Variants in DGKH observed in about 807,000 individuals in gnomAD.
DGKH encodes diacylglycerol kinase eta.
A neutral mutation model predicts 159.3 loss-of-function variants in DGKH; 90 were observed. The ratio of observed to expected loss-of-function variants is 0.57; its 90% CI spans 0.48 to 0.67. The LOEUF is 0.67. Ranked by LOEUF, DGKH falls within the 30% of genes least tolerant of loss-of-function variation. The pLI, the probability that DGKH is intolerant of heterozygous loss-of-function variation, is 0.00. For synonymous variants in DGKH, 536 were observed against 553.8 expected, an observed-to-expected ratio of 0.97 and a Z score of 0.45; for missense variants, 1,181 against 1,506.1, an observed-to-expected ratio of 0.78 and a Z score of 3.57.
rs7319407 is a variant in DGKH, at chr13:42,146,204, T to C, written c.385-9087T>C. ...AGTATTCATATGAATGTACTTTAGATTGCATGGACCTTTTTAGGAAAATGT... is the reference window on the plus strand; with the variant it reads ...AGTATTCATATGAATGTACTTTAGACTGCATGGACCTTTTTAGGAAAATGT... On this transcript the variant is annotated intron_variant, in intron 3 of 29. Transcript: ENST00000337343. Among the ~76,000 whole-genome samples the C allele has an allele frequency of 8.6e-4, 129 of 149,664 alleles. 1 individual carries two copies. Among genetic ancestry groups the C allele is most frequent in the African/African-American group, 3.0e-3 (121 of 40,300 alleles).
chr13:42,125,480 A>T (rs1168001913), intron 1 of DGKH, among the ~76,000 whole-genome samples: 1 of 152,194 alleles, frequency 6.6e-6, no homozygotes, highest in Non-Finnish European at 1.5e-5. Flanking sequence ...AAACTGAGGC[A>T]TAGAGTTGGG....
At chr13:42,217,012 T>A (rs527863386) in intron 26 of DGKH, among the ~76,000 whole-genome samples, 2 of 152,224 alleles carry the variant, frequency 1.3e-5, no homozygotes, top group South Asian at 4.1e-4. Context: ...ACTTTCCTTC[T>A]CCACTTTTAA....
intron 1 of DGKH, among the ~76,000 whole-genome samples, chr13:42,107,432 A>G (rs770648409): frequency 1.3e-4 from 20 of 152,246 alleles, no homozygotes; most frequent in Non-Finnish European, 2.2e-4. Context: ...GAGGCCTTCC[A>G]TGCCGAATTA....
intron 3 of DGKH, among the ~76,000 whole-genome samples, chr13:42,140,126 G>A (rs1955506033): frequency 6.6e-6 from 1 of 152,202 alleles, no homozygotes; most frequent in Non-Finnish European, 1.5e-5. Context: ...CCTGGCCACT[G>A]TGTAGAACTT....
At chr13:42,217,895 C>T (rs111306132) in intron 26 of DGKH, among the ~76,000 whole-genome samples, 1 of 152,010 alleles carries the variant, frequency 6.6e-6, no homozygotes, top group African/African-American at 2.4e-5. Flanking sequence ...TTAGCCAGGC[C>T]TGGTGGCATG....
intron 1 of DGKH, among the ~76,000 whole-genome samples, chr13:42,094,117 G>A (rs1365104033): frequency 1.6e-5 from 2 of 129,014 alleles, no homozygotes; most frequent in Admixed American, 8.7e-5. Context: ...GGGGCCTGTT[G>A]TGGGTTGGGG....
In DGKH at chr13:42,210,783, C is replaced by G. The variant is rs376286426; in HGVS notation, c.3014+18C>G. On this transcript the variant is annotated intron_variant, in intron 24 of 29. Transcript: ENST00000337343. Reference sequence around the variant, plus strand: ...ATTACTAGGTAGGGGGCTCTGCTGACTTTTCAGGCTGTGGGAACTGTGGTC... The same window carrying G: ...ATTACTAGGTAGGGGGCTCTGCTGAGTTTTCAGGCTGTGGGAACTGTGGTC... 1.9e-6 allele frequency: 3 copies of G among 1,598,538 alleles called. No homozygotes were observed. The African/African-American group carries it at 4.0e-5, about 22-fold the overall frequency.
chr13:42,092,898 C>G (rs1954447880), intron 1 of DGKH, among the ~76,000 whole-genome samples: 1 of 151,860 alleles, frequency 6.6e-6, no homozygotes, highest in Non-Finnish European at 1.5e-5. Flanking sequence ...TGCAAAAGTA[C>G]AAAAAAATTT....
chr13:42,132,424 G>C lies in DGKH; in HGVS notation c.384+2792G>C, dbSNP rs563587246. On this transcript the variant is annotated intron_variant, in intron 3 of 29. Coordinates refer to ENST00000337343, the MANE Select transcript of DGKH (RefSeq NM_178009.5). Reference sequence around the variant, plus strand: ...TCCTTTAAGAGTTTAATCTGAAAGAGGGTTTCAGAATTTAAGATTTGAAGC... The same window carrying C: ...TCCTTTAAGAGTTTAATCTGAAAGACGGTTTCAGAATTTAAGATTTGAAGC... Among the ~76,000 whole-genome samples, 8 of 152,294 alleles carry C rather than the reference G, an allele frequency of 5.3e-5. No homozygotes were observed. The South Asian group carries it at 1.4e-3, about 28-fold the overall frequency.
chr13:42,072,258 G>A (rs1309584105), intron 1 of DGKH, among the ~76,000 whole-genome samples: 5 of 152,166 alleles, frequency 3.3e-5, no homozygotes, highest in Non-Finnish European at 7.3e-5. Context: ...GAAAGGCCTG[G>A]TCTTAAATCC....
At chr13:42,207,604 A>G (rs1957538354) in intron 21 of DGKH, among the ~76,000 whole-genome samples, 1 of 150,956 alleles carries the variant, frequency 6.6e-6, no homozygotes, top group Admixed American at 6.6e-5. Context: ...TTCTTTTCAT[A>G]CTTTTCTATA....
chr13:42,188,943 C>T (rs1594172992), intron 14 of DGKH, 93 bp from the exon 15 acceptor site: 1 of 1,429,636 alleles, frequency 7.0e-7, no homozygotes. Flanking sequence ...AGTGATTAAA[C>T]TTTCAAAACA....
At chr13:42,163,559 G>T (rs201053206) in intron 7 of DGKH, among the ~76,000 whole-genome samples, 1,780 of 152,162 alleles carry the variant, frequency 0.012, 36 homozygotes, top group East Asian at 0.079. Flanking sequence ...CCATTCTAAC[G>T]GGTGTGAGAT....
chr13:42,086,135 C>T (rs1407011511), intron 1 of DGKH, among the ~76,000 whole-genome samples: 1 of 152,126 alleles, frequency 6.6e-6, no homozygotes, highest in Admixed American at 6.6e-5. Context: ...CCAGGCTGGG[C>T]TTGAACTCCT....
chr13:42,051,763 G>A (rs1435610154), intron 1 of DGKH, among the ~76,000 whole-genome samples: 1 of 139,982 alleles, frequency 7.1e-6, no homozygotes, highest in Non-Finnish European at 1.5e-5. Context: ...AGGTTCAAGC[G>A]ATTCTCCTGC....
intron 1 of DGKH, among the ~76,000 whole-genome samples, chr13:42,123,976 A>G (rs1955124164): frequency 6.6e-6 from 1 of 152,192 alleles, no homozygotes; most frequent in African/African-American, 2.4e-5. Flanking sequence ...TCATGGCCAT[A>G]TTTGTATGTC....
intron 29 of DGKH, chr13:42,225,471 A>G (rs1958100403): frequency 6.1e-6 from 5 of 825,918 alleles, no homozygotes; most frequent in Non-Finnish European, 8.9e-6. Flanking sequence ...GGAAAGAGAA[A>G]GCTACTCATA....
rs1447320591 is a variant in DGKH at position 42,242,112 on chromosome 13, A to T, written c.*12924A>T. 6.6e-6 allele frequency: 1 copy of T among 152,222 alleles called. No individual in the cohort carries two copies. The highest frequency in any genetic ancestry group is 1.5e-5 in the Non-Finnish European group (1 of 68,020). 9.4% of individuals were successfully genotyped at this position (152,222 alleles called of 1,614,324 possible). ...TTTGTACAAGGTCCACAAAAGGAGGAGGCTCAAAAGATTGGACACTTTACC... is the reference window on the plus strand; with the variant it reads ...TTTGTACAAGGTCCACAAAAGGAGGTGGCTCAAAAGATTGGACACTTTACC... On this transcript the variant is annotated 3_prime_UTR_variant, in exon 30 of 30. Coordinates refer to ENST00000337343, the MANE Select transcript of DGKH (RefSeq NM_178009.5).
chr13:42,078,106 A>G (rs546947098), intron 1 of DGKH, among the ~76,000 whole-genome samples: 6 of 152,328 alleles, frequency 3.9e-5, no homozygotes, highest in South Asian at 2.1e-4. Flanking sequence ...TCTTTTTGCA[A>G]ATATAAATAT....
Sources: allele counts gnomAD v4.1 joint callset (sites outside exome capture counted in the v4.1 genomes callset), GRCh38; gene constraint gnomAD v4.1.1; transcripts MANE v1.5; gene names NCBI Gene and HGNC (gene_info 2026-07-23, HGNC 2026-07-21).